RHOU: variants seen among roughly 807,000 people sequenced by gnomAD.
RHOU encodes the protein rho-related GTP-binding protein RhoU.
In RHOU, 8 loss-of-function variants were observed where a neutral mutation model predicts 12.6. That is an observed-to-expected ratio of 0.64 (90% CI 0.37 to 1.15). RHOU has a LOEUF of 1.15. Ranked by LOEUF, RHOU falls within the 50% of genes most tolerant of loss-of-function variation. The probability of loss-of-function intolerance (pLI) is 0.01; values close to 1 mark genes in which losing one functional copy is unlikely to be tolerated. For missense variants in RHOU, 258 were observed against 347.0 expected, an observed-to-expected ratio of 0.74 and a Z score of 2.04; for synonymous variants, 161 against 147.4, an observed-to-expected ratio of 1.09 and a Z score of -0.67.
the RHOU span, among the ~76,000 whole-genome samples, chr1:228,673,907 C>G: frequency 1.3e-5 from 2 of 152,284 alleles, no homozygotes; most frequent in East Asian, 3.9e-4. Flanking sequence ...GTATCTAGTG[C>G]TACAGTTGCT....
At chr1:228,669,298 T>A in the RHOU span, among the ~76,000 whole-genome samples, 1 of 152,224 alleles carries the variant, frequency 6.6e-6, no homozygotes, top group South Asian at 2.1e-4. Context: ...ACAAGCTGCT[T>A]CCTCCCTCCA....
the RHOU span, among the ~76,000 whole-genome samples, chr1:228,690,704 G>C: frequency 6.6e-6 from 1 of 151,980 alleles, no homozygotes; most frequent in Non-Finnish European, 1.5e-5. Flanking sequence ...TGAAACCTTT[G>C]CCTTCTGATT....
chr1:228,694,956 T>C, the RHOU span, among the ~76,000 whole-genome samples: 4 of 152,176 alleles, frequency 2.6e-5, no homozygotes, highest in South Asian at 8.3e-4. Flanking sequence ...ATATAAATGA[T>C]AATGAATAGG....
intron 2 of RHOU, among the ~76,000 whole-genome samples, chr1:228,741,001 C>T (rs991630200): frequency 2.0e-5 from 3 of 151,822 alleles, no homozygotes; most frequent in Non-Finnish European, 4.4e-5. Context: ...AAAAGTATTG[C>T]GGAAATAGGA....
At chr1:228,709,120 A>G in the RHOU span, among the ~76,000 whole-genome samples, 3 of 152,276 alleles carry the variant, frequency 2.0e-5, no homozygotes, top group South Asian at 4.2e-4. Flanking sequence ...TATCCTAAAT[A>G]TATATGCACC....
chr1:228,684,976 T>C, the RHOU span, among the ~76,000 whole-genome samples: 1 of 152,244 alleles, frequency 6.6e-6, no homozygotes, highest in East Asian at 1.9e-4. Context: ...GCAGACCAGC[T>C]ACTCCGAGAG....
chr1:228,722,670 C>T, the RHOU span, among the ~76,000 whole-genome samples: 1 of 151,652 alleles, frequency 6.6e-6, no homozygotes, highest in Non-Finnish European at 1.5e-5. Flanking sequence ...ATCAGCAGGC[C>T]GGAGTGCAGT....
the RHOU span, chr1:228,650,983 A>G: frequency 3.0e-6 from 1 of 333,644 alleles, no homozygotes. Context: ...ACTGTGTCAG[A>G]GAAAAGAAAG....
At chr1:228,646,698 A>G in the RHOU span, among the ~76,000 whole-genome samples, 30 of 150,402 alleles carry the variant, frequency 2.0e-4, no homozygotes, top group Non-Finnish European at 3.4e-4. Flanking sequence ...AGAGAAACCC[A>G]GACACACCCC....
chr1:228,648,353 A>G, the RHOU span, among the ~76,000 whole-genome samples: 4 of 152,086 alleles, frequency 2.6e-5, no homozygotes, highest in African/African-American at 9.7e-5. Flanking sequence ...GGCAGCCTCC[A>G]TTCCGCCGAC....
the RHOU span, among the ~76,000 whole-genome samples, chr1:228,654,195 A>G: frequency 6.6e-6 from 1 of 151,782 alleles, no homozygotes; most frequent in Non-Finnish European, 1.5e-5. Flanking sequence ...GAAGCCTTGA[A>G]CTCCTGGGTT....
the RHOU span, among the ~76,000 whole-genome samples, chr1:228,646,838 G>T: frequency 6.6e-6 from 1 of 151,940 alleles, no homozygotes; most frequent in African/African-American, 2.4e-5. Context: ...AGACACACAC[G>T]GCTTGAAGGA....
chr1:228,714,038 G>T, the RHOU span, among the ~76,000 whole-genome samples: 1 of 152,082 alleles, frequency 6.6e-6, no homozygotes, highest in African/African-American at 2.4e-5. Flanking sequence ...ATTATAAAAG[G>T]TTTTATAGCC....
At chr1:228,725,393 G>A in the RHOU span, among the ~76,000 whole-genome samples, 7 of 151,914 alleles carry the variant, frequency 4.6e-5, no homozygotes, top group East Asian at 3.9e-4. Context: ...ACGGATGGCC[G>A]TGTGGATGCT....
the RHOU span, among the ~76,000 whole-genome samples, chr1:228,700,364 G>A: frequency 6.6e-6 from 1 of 152,158 alleles, no homozygotes; most frequent in South Asian, 2.1e-4. Flanking sequence ...TGTGTTAGCA[G>A]TTTCATAAAC....
At chr1:228,655,768 AT>A in the RHOU span, among the ~76,000 whole-genome samples, 20 of 152,362 alleles carry the variant, frequency 1.3e-4, no homozygotes, top group African/African-American at 4.6e-4. Context: ...AACAATCTTG[AT>A]CAAAAAGGGG....
chr1:228,700,162 C>T, the RHOU span, among the ~76,000 whole-genome samples: 1 of 152,154 alleles, frequency 6.6e-6, no homozygotes, highest in African/African-American at 2.4e-5. Context: ...TGATTTATAT[C>T]CTCTTAACTA....
At chr1:228,668,822 G>A in the RHOU span, among the ~76,000 whole-genome samples, 7 of 152,186 alleles carry the variant, frequency 4.6e-5, no homozygotes, top group Non-Finnish European at 8.8e-5. Context: ...TACCTGGAAG[G>A]CTTGAGCCAG....
At chr1:228,708,791 C>A in the RHOU span, among the ~76,000 whole-genome samples, 1 of 151,886 alleles carries the variant, frequency 6.6e-6, no homozygotes, top group Non-Finnish European at 1.5e-5. Context: ...ATGACAGGAT[C>A]AAATTCACAC....
Sources: allele counts gnomAD v4.1 joint callset (sites outside exome capture counted in the v4.1 genomes callset), GRCh38; gene constraint gnomAD v4.1.1; transcripts MANE v1.5; gene names NCBI Gene and HGNC (gene_info 2026-07-23, HGNC 2026-07-21).